The following USP34 variants were observed in gnomAD, a reference collection of about 807,000 sequenced individuals.
The protein encoded by USP34 is ubiquitin carboxyl-terminal hydrolase 34.
USP34 carries 70 observed loss-of-function variants against 460.3 expected under a neutral mutation model. The observed-to-expected ratio is 0.15, with a 90% CI of 0.13 to 0.19. USP34 has a LOEUF of 0.19. USP34 is among the 10% of genes least tolerant of loss of function. The pLI, the probability that USP34 is intolerant of heterozygous loss-of-function variation, is 1.00. For missense variants in USP34, 3,985 were observed against 4,236.2 expected, an observed-to-expected ratio of 0.94 and a Z score of 1.65; for synonymous variants, 1,647 against 1,405.3, an observed-to-expected ratio of 1.17 and a Z score of -3.85.
chr2:61,445,922 T>C (rs992780986), intron 1 of USP34, among the ~76,000 whole-genome samples: 2 of 151,488 alleles, frequency 1.3e-5, no homozygotes, highest in East Asian at 1.9e-4. Context: ...CACTCCAGCC[T>C]GGGCAACACA....
Position 61,208,889 on chromosome 2 carries a change from G to C in USP34, c.8919+10C>G, listed in dbSNP as rs757441438. 1.3e-6 allele frequency: 2 copies of C among 1,567,208 alleles called. No individual in the cohort carries two copies. Among genetic ancestry groups the C allele is most frequent in the South Asian group, 1.2e-5 (1 of 83,336 alleles). The stretch of plus-strand genomic sequence containing the variant: ...ATAATATCCACAGTAAAATGCAATA[G>C]AATATTTACCTCTGTCATTAGAATC... On this transcript the variant is annotated intron_variant, in intron 70 of 79. Coordinates refer to ENST00000398571, the MANE Select transcript of USP34 (RefSeq NM_014709.4).
At chr2:61,306,300 T>C (rs1690401943) in intron 27 of USP34, among the ~76,000 whole-genome samples, 1 of 152,242 alleles carries the variant, frequency 6.6e-6, no homozygotes, top group South Asian at 2.1e-4. Flanking sequence ...CTAGCCAGTT[T>C]TCCCAGCATC....
intron 3 of USP34, among the ~76,000 whole-genome samples, chr2:61,401,426 T>C (rs1399769693): frequency 6.6e-6 from 1 of 151,664 alleles, no homozygotes; most frequent in African/African-American, 2.4e-5. Context: ...TTTGTAAAGA[T>C]GAGCTCTTGC....
intron 1 of USP34, among the ~76,000 whole-genome samples, chr2:61,458,720 T>C (rs1007663890): frequency 1.3e-5 from 2 of 149,464 alleles, no homozygotes; most frequent in African/African-American, 4.9e-5. Flanking sequence ...CATATTTCAC[T>C]CCTCTCATTC....
rs554546282 is a variant in USP34 at position 61,332,273 on chromosome 2, T to C, written c.2835-902A>G. Reference sequence around the variant, plus strand: ...ATAATATGTACTAAATATTAAGTGCTGCTATACATACTAGACTCACAATAA... The same window carrying C: ...ATAATATGTACTAAATATTAAGTGCCGCTATACATACTAGACTCACAATAA... On this transcript the variant is annotated intron_variant, in intron 19 of 79. Coordinates refer to ENST00000398571, the MANE Select transcript of USP34 (RefSeq NM_014709.4). 5.3e-5 allele frequency among the ~76,000 whole-genome samples: 8 copies of C among 152,186 alleles called. No individual in the cohort carries two copies. In the South Asian group the frequency reaches 1.5e-3, roughly 28 times the overall value.
chr2:61,301,555 G>A lies in USP34; in HGVS notation c.3818-101C>T, dbSNP rs1433497359. 10 of 1,002,292 alleles carry A rather than the reference G, an allele frequency of 1.0e-5. No individual in the cohort carries two copies. The South Asian group carries it at 1.5e-4, about 15-fold the overall frequency. 62.1% of individuals were successfully genotyped at this position (1,002,292 alleles called of 1,614,324 possible). A position where few individuals can be genotyped will look rare whatever the true frequency, so the allele number is the denominator to read the frequency against. On this transcript the variant is annotated intron_variant, in intron 27 of 79. Coordinates refer to ENST00000398571, the MANE Select transcript of USP34 (RefSeq NM_014709.4). ...AGCAATTAAACACACTGTATGTTAAGTTTAAATGTAATCTAAGGTAAAGAC... is the reference window on the plus strand; with the variant it reads ...AGCAATTAAACACACTGTATGTTAAATTTAAATGTAATCTAAGGTAAAGAC...
intron 48 of USP34, among the ~76,000 whole-genome samples, chr2:61,252,047 T>C (rs1034020671): frequency 6.6e-6 from 1 of 151,010 alleles, no homozygotes; most frequent in Admixed American, 6.6e-5. Context: ...AAAAATAAAA[T>C]GTTATGGTAG....
At chr2:61,431,923 G>A (rs1371743829) in intron 1 of USP34, among the ~76,000 whole-genome samples, 1 of 152,076 alleles carries the variant, frequency 6.6e-6, no homozygotes, top group Non-Finnish European at 1.5e-5. Context: ...CACAAAGAAT[G>A]ATAAATGCTT....
rs778028388 is a variant in USP34 at position 61,220,368 on chromosome 2, A to G, written c.7989T>C (p.Asn2663=). The G allele has an allele frequency of 6.2e-7, 1 of 1,613,834 alleles. No homozygotes were observed. Among genetic ancestry groups the G allele is most frequent in the African/African-American group, 1.3e-5 (1 of 74,922 alleles). Residue 2663 remains asparagine, a synonymous_variant, in exon 67 of 80, where the codon AAT becomes AAC. Coordinates refer to ENST00000398571, the MANE Select transcript of USP34 (RefSeq NM_014709.4). ...NKLAHSWVLQ[N]MENWVERFLL... is the part of the protein sequence containing the mutation. Reference sequence around the variant, plus strand: ...GAAACCGCTCGACCCAGTTTTCCATATTCTGTAAGACCCAGCTGTGTGCCA... The same window carrying G: ...GAAACCGCTCGACCCAGTTTTCCATGTTCTGTAAGACCCAGCTGTGTGCCA...
intron 10 of USP34, among the ~76,000 whole-genome samples, chr2:61,352,529 A>G (rs764987889): frequency 6.6e-6 from 1 of 151,878 alleles, no homozygotes; most frequent in Non-Finnish European, 1.5e-5. Context: ...GTCTCATGAT[A>G]TTGCCCAGTC....
intron 1 of USP34, among the ~76,000 whole-genome samples, chr2:61,464,921 A>T (rs1052866124): frequency 6.6e-6 from 1 of 152,142 alleles, no homozygotes; most frequent in Non-Finnish European, 1.5e-5. Context: ...AAGTAACTAC[A>T]AAAGCAGTTA....
At chr2:61,464,429 T>TG (rs1444015991) in intron 1 of USP34, among the ~76,000 whole-genome samples, 1 of 152,230 alleles carries the variant, frequency 6.6e-6, no homozygotes, top group Non-Finnish European at 1.5e-5. Flanking sequence ...CAGGTGATCT[T>TG]GGCAAACTAC....
intron 27 of USP34, among the ~76,000 whole-genome samples, chr2:61,306,030 T>C (rs549600018): frequency 4.1e-4 from 63 of 152,328 alleles, no homozygotes; most frequent in Admixed American, 3.1e-3. Flanking sequence ...ATTCTGTAGG[T>C]TGCCTGTTCA....
At chr2:61,367,494 A>T (rs985206155) in intron 10 of USP34, among the ~76,000 whole-genome samples, 1 of 152,206 alleles carries the variant, frequency 6.6e-6, no homozygotes, top group Non-Finnish European at 1.5e-5. Context: ...ACAAGCACAC[A>T]ATGTTAGACA....
In USP34 at chr2:61,350,465, C is replaced by A. The variant is rs1428520019; in HGVS notation, c.1378-76G>T. 5.8e-6 allele frequency: 9 copies of A among 1,563,816 alleles called. No individual in the cohort carries two copies. The Admixed American group carries it at 1.2e-4, about 21-fold the overall frequency. ...CAAATTTAATATCCTTTTTGTCAAACTGAAATGCCAAGACAATAAAATGAA... is the reference window on the plus strand; with the variant it reads ...CAAATTTAATATCCTTTTTGTCAAAATGAAATGCCAAGACAATAAAATGAA... On this transcript the variant is annotated intron_variant, in intron 11 of 79. Transcript: ENST00000398571.
intron 1 of USP34, among the ~76,000 whole-genome samples, chr2:61,422,772 G>T (rs749795862): frequency 3.9e-5 from 6 of 152,180 alleles, no homozygotes; most frequent in African/African-American, 9.7e-5. Flanking sequence ...GCCAAGGCGG[G>T]CAGATCACTT....
chr2:61,431,220 T>C (rs1042611959), intron 1 of USP34, among the ~76,000 whole-genome samples: 8 of 152,116 alleles, frequency 5.3e-5, no homozygotes, highest in Admixed American at 4.6e-4. Flanking sequence ...TTTGGAGCTT[T>C]ATCAGGTTTT....
At chr2:61,398,950 T>C (rs932343831) in intron 3 of USP34, among the ~76,000 whole-genome samples, 1 of 152,146 alleles carries the variant, frequency 6.6e-6, no homozygotes, top group African/African-American at 2.4e-5. Context: ...CTTCAAAAAG[T>C]CCAGAATTTA....
At chr2:61,213,507 G>C (rs1687324988) in intron 68 of USP34, among the ~76,000 whole-genome samples, 1 of 152,152 alleles carries the variant, frequency 6.6e-6, no homozygotes, top group East Asian at 1.9e-4. Context: ...TCGAGGGGAG[G>C]AAACTTAATA....
Sources: gnomAD v4.1 joint callset for allele counts (sites outside exome capture counted in the v4.1 genomes callset) on GRCh38, gnomAD v4.1.1 for gene constraint, MANE v1.5 for transcripts, NCBI Gene and HGNC (gene_info 2026-07-23, HGNC 2026-07-21) for gene names.